MAX: variants seen among roughly 807,000 people sequenced by gnomAD.
The protein encoded by MAX is protein max.
Under a neutral mutation model 22.3 loss-of-function variants are expected in MAX, and 3 were observed. The ratio of observed to expected loss-of-function variants is 0.13; its 90% confidence interval spans 0.06 to 0.35. The LOEUF (loss-of-function observed/expected upper bound fraction) is 0.35. MAX is among the 10% of genes least tolerant of loss of function. The probability of loss-of-function intolerance (pLI) is 1.00; values close to 1 mark genes in which losing one functional copy is unlikely to be tolerated. For synonymous variants in MAX, 72 were observed against 77.7 expected (o/e 0.93, Z 0.39); for missense variants, 119 against 209.4 (o/e 0.57, Z 2.66).
rs2062511790 is a variant in MAX, at chr14:65,047,588, T to C, written c.172-41304A>G. On this transcript the variant is annotated intron_variant, in intron 3 of 3. Coordinates refer to the MAX transcript ENST00000341653. This position sits in a 1 kb window ranked among gnomAD's most constrained non-coding sequence, Gnocchi z 5.2. ...GGGATGTAAATAGGTTAAGTCATTT[T>C]TTGGAGGGCAGTTTGGAGACATCCA... Among the ~76,000 whole-genome samples the C allele has an allele frequency of 6.6e-6, 1 of 152,226 alleles. No individual in the cohort carries two copies. Among genetic ancestry groups the C allele is most frequent in the African/African-American group, 2.4e-5 (1 of 41,466 alleles).
chr14:65,015,985 T>C (rs945301291), intron 3 of MAX, among the ~76,000 whole-genome samples: 3 of 152,212 alleles, frequency 2.0e-5, no homozygotes, highest in Non-Finnish European at 4.4e-5. Context: ...GACTCTGGTC[T>C]TTGAGAAAAG....
rs1176593724 is a variant in MAX at position 65,029,325 on chromosome 14, CA to C, written c.172-23042del. ...TTGCCTGGAAGCATCAGCCAGTCCT[CA>C]GGAGTGCTTGTTTGGGTGGATTTGA... On this transcript the variant is annotated intron_variant, in intron 3 of 3. Transcript: ENST00000341653. This position sits in a 1 kb window ranked among gnomAD's most constrained non-coding sequence, Gnocchi z 4.7. Among the ~76,000 whole-genome samples, 2 of 152,210 alleles carry C rather than the reference CA, an allele frequency of 1.3e-5. No homozygotes were observed. The highest frequency in any genetic ancestry group is 2.9e-5 in the Non-Finnish European group (2 of 68,042).
rs2061699309 is a variant in MAX at position 65,012,477 on chromosome 14, C to G, written c.172-6193G>C. The stretch of plus-strand genomic sequence containing the variant: ...ATTTAAACGTAAAAGACTGTTGGGG[C>G]TGACCTGTTGCAGAGTCACTCTTTG... On this transcript the variant is annotated intron_variant, in intron 3 of 3. Transcript: ENST00000341653. The surrounding 1 kb of genome is among the most constrained non-coding windows in gnomAD (Gnocchi z 5.0). 1.9e-6 allele frequency: 3 copies of G among 1,540,512 alleles called. No individual in the cohort carries two copies. In the African/African-American group the frequency reaches 4.1e-5, roughly 21 times the overall value.
Position 65,012,165 on chromosome 14 carries a change from T to A in MAX, c.172-5881A>T. The A allele has an allele frequency of 1.2e-6, 1 of 840,304 alleles. No individual in the cohort carries two copies. The highest frequency in any genetic ancestry group is 1.9e-6 in the Non-Finnish European group (1 of 538,962). 52.1% of individuals were successfully genotyped at this position (840,304 alleles called of 1,614,324 possible). A position where few individuals can be genotyped will look rare whatever the true frequency, so the allele number is the denominator to read the frequency against. On this transcript the variant is annotated intron_variant, in intron 3 of 3. Transcript: ENST00000341653. The surrounding 1 kb of genome is among the most constrained non-coding windows in gnomAD (Gnocchi z 5.0). ...TCTTTTCTCTGGTTTAGTTGCTCTT[T>A]GGAACCAGAGAAGTTGCTGGTTATC...
chr14:65,038,013 C>T (rs2062253030), intron 3 of MAX, among the ~76,000 whole-genome samples: 1 of 152,078 alleles, frequency 6.6e-6, no homozygotes, highest in African/African-American at 2.4e-5. Context: ...GATCCTCCTG[C>T]CTTGGTCTCC....
intron 2 of MAX, among the ~76,000 whole-genome samples, chr14:65,096,748 A>G (rs1323737887): frequency 6.6e-6 from 1 of 152,226 alleles, no homozygotes; most frequent in Non-Finnish European, 1.5e-5. Context: ...TGAACAAATA[A>G]AACTCTACTC....
rs1436797033 is a variant in MAX at position 65,069,659 on chromosome 14, C to T, written c.171+24049G>A. On this transcript the variant is annotated intron_variant, in intron 3 of 3. Coordinates refer to the MAX transcript ENST00000341653. This position sits in a 1 kb window ranked among gnomAD's most constrained non-coding sequence, Gnocchi z 4.6. ...CACAAGGCTGGAGTCCACTGGCACA[C>T]GCACATATGCATGCAGCATTTGTAG... 6.6e-6 allele frequency among the ~76,000 whole-genome samples: 1 copy of T among 152,196 alleles called. No individual in the cohort carries two copies. The highest frequency in any genetic ancestry group is 6.5e-5 in the Admixed American group (1 of 15,288).
At chr14:65,040,789 G>A in intron 3 of MAX, 1 of 1,612,618 alleles carries the variant, frequency 6.2e-7, no homozygotes, top group Non-Finnish European at 8.5e-7. Context: ...TCTCTTCTTA[G>A]GTGTCAGAAC....
chr14:65,035,041 G>A (rs981118395), intron 3 of MAX, among the ~76,000 whole-genome samples: 4 of 152,222 alleles, frequency 2.6e-5, no homozygotes, highest in South Asian at 4.1e-4. Context: ...TCCCCAGCAC[G>A]TATGTGGAAA....
rs146933065 is a variant in MAX at position 65,032,544 on chromosome 14, G to A, written c.172-26260C>T. The A allele has an allele frequency of 3.2e-5, 51 of 1,579,116 alleles. No homozygotes were observed. In the East Asian group the frequency reaches 4.8e-4, roughly 15 times the overall value. On this transcript the variant is annotated intron_variant, in intron 3 of 3. Coordinates refer to the MAX transcript ENST00000341653. The surrounding 1 kb of genome is among the most constrained non-coding windows in gnomAD (Gnocchi z 5.0). ...TAGGCAAGGCGAGCAGTCCGCCCGC[G>A]GAGTTCACTGAGCCTCATTAGCTCT...
Position 65,070,043 on chromosome 14 carries a change from A to G in MAX, c.171+23665T>C, listed in dbSNP as rs949019393. On this transcript the variant is annotated intron_variant, in intron 3 of 3. Coordinates refer to the MAX transcript ENST00000341653. This position sits in a 1 kb window ranked among gnomAD's most constrained non-coding sequence, Gnocchi z 4.4. ...GCAGACAGGAAACAATGAAGCTCTCAAGCACTGTGCATGGGAGCCATGGGC... is the reference window on the plus strand; with the variant it reads ...GCAGACAGGAAACAATGAAGCTCTCGAGCACTGTGCATGGGAGCCATGGGC... Among the ~76,000 whole-genome samples, 7 of 152,310 alleles carry G rather than the reference A, an allele frequency of 4.6e-5. No individual in the cohort carries two copies. The highest frequency in any genetic ancestry group is 8.8e-5 in the Non-Finnish European group (6 of 68,008).
intron 3 of MAX, among the ~76,000 whole-genome samples, chr14:65,045,433 C>T (rs552116149): frequency 4.7e-5 from 7 of 149,276 alleles, no homozygotes; most frequent in African/African-American, 1.2e-4. Context: ...CCGCCGCCCC[C>T]GAGATGGAGT....
At position 65,075,852 on chromosome 14, in the gene MAX, A is replaced by G; in HGVS notation, c.*624T>C. The G allele has an allele frequency of 2.8e-6, 3 of 1,060,688 alleles. No homozygotes were observed. Among genetic ancestry groups the G allele is most frequent in the Non-Finnish European group, 3.4e-6 (3 of 876,244 alleles). The allele number at this position is 1,060,688 out of a possible 1,614,324, so 65.7% of individuals were successfully genotyped here. Reference sequence around the variant, plus strand: ...TGGCTGAGAGAAGCAGGAGTGAAACATGCCAGCGACTCTGTGCTGCGAATC... The same window carrying G: ...TGGCTGAGAGAAGCAGGAGTGAAACGTGCCAGCGACTCTGTGCTGCGAATC... On this transcript the variant is annotated 3_prime_UTR_variant, in exon 5 of 5. Transcript: ENST00000358664. The surrounding 1 kb of genome is among the most constrained non-coding windows in gnomAD (Gnocchi z 4.1).
chr14:65,009,643 A>G lies in MAX; in HGVS notation c.172-3359T>C, dbSNP rs1001895789. On this transcript the variant is annotated intron_variant, in intron 3 of 3. Coordinates refer to the MAX transcript ENST00000341653. The surrounding 1 kb of genome is among the most constrained non-coding windows in gnomAD (Gnocchi z 4.2). Reference sequence around the variant, plus strand: ...TCCATCCTCTTTACAGACCTTCCCTATGGATTTCCTCTGAGCTTTTGCATT... The same window carrying G: ...TCCATCCTCTTTACAGACCTTCCCTGTGGATTTCCTCTGAGCTTTTGCATT... 4.0e-5 allele frequency among the ~76,000 whole-genome samples: 6 copies of G among 151,872 alleles called. No homozygotes were observed. Among genetic ancestry groups the G allele is most frequent in the African/African-American group, 1.5e-4 (6 of 41,314 alleles).
chr14:65,027,250 A>T lies in MAX; in HGVS notation c.172-20966T>A, dbSNP rs528210087. ...ACAAGCGCTTAAGTACGAAACTCAG[A>T]GGAGGGCAGACAGAAATGATGATAG... On this transcript the variant is annotated intron_variant, in intron 3 of 3. Coordinates refer to the MAX transcript ENST00000341653. This position sits in a 1 kb window ranked among gnomAD's most constrained non-coding sequence, Gnocchi z 5.7. 1 of 803,810 alleles carries T rather than the reference A, an allele frequency of 1.2e-6. No individual in the cohort carries two copies. The allele number at this position is 803,810 out of a possible 1,614,324, so 49.8% of individuals were successfully genotyped here.
rs1206252169 is a variant in MAX, at chr14:65,077,554, G to A, written c.295+359C>T. 1.1e-6 allele frequency: 1 copy of A among 925,330 alleles called. No homozygotes were observed. The highest frequency in any genetic ancestry group is 1.6e-5 in the African/African-American group (1 of 61,744). The allele number at this position is 925,330 out of a possible 1,614,324, so 57.3% of individuals were successfully genotyped here. ...CTGTCCCTGAACACCTGGAGTCTCTGGTACTTACACAGCACATTCCACTCC... is the reference window on the plus strand; with the variant it reads ...CTGTCCCTGAACACCTGGAGTCTCTAGTACTTACACAGCACATTCCACTCC... On this transcript the variant is annotated intron_variant, in intron 4 of 4. Coordinates refer to ENST00000358664, the MANE Select transcript of MAX (RefSeq NM_002382.5). This position sits in a 1 kb window ranked among gnomAD's most constrained non-coding sequence, Gnocchi z 6.3.
rs149270720 is a variant in MAX, at chr14:65,048,127, G to T, written c.172-41843C>A. 1.4e-4 allele frequency among the ~76,000 whole-genome samples: 21 copies of T among 151,594 alleles called. No homozygotes were observed. The East Asian group carries it at 4.1e-3, about 29-fold the overall frequency. Reference sequence around the variant, plus strand: ...CTCCTGTGTAGCTGGGATTACAGGCGTGTACCACCACACCCAGCCAATGTT... The same window carrying T: ...CTCCTGTGTAGCTGGGATTACAGGCTTGTACCACCACACCCAGCCAATGTT... On this transcript the variant is annotated intron_variant, in intron 3 of 3. Coordinates refer to the MAX transcript ENST00000341653.
rs1039929750 is a variant in MAX at position 65,031,445 on chromosome 14, G to C, written c.172-25161C>G. On this transcript the variant is annotated intron_variant, in intron 3 of 3. Coordinates refer to the MAX transcript ENST00000341653. This position sits in a 1 kb window ranked among gnomAD's most constrained non-coding sequence, Gnocchi z 4.6. Reference sequence around the variant, plus strand: ...TGGTTCTCCTGCCTCAGCCTCCCAAGTAGTTGGGACTACGGGCACACGCCA... The same window carrying C: ...TGGTTCTCCTGCCTCAGCCTCCCAACTAGTTGGGACTACGGGCACACGCCA... 6.6e-6 allele frequency among the ~76,000 whole-genome samples: 1 copy of C among 151,638 alleles called. No homozygotes were observed. Among genetic ancestry groups the C allele is most frequent in the Non-Finnish European group, 1.5e-5 (1 of 67,896 alleles).
intron 3 of MAX, among the ~76,000 whole-genome samples, chr14:65,055,608 C>T (rs2062717880): frequency 6.6e-6 from 1 of 151,974 alleles, no homozygotes; most frequent in African/African-American, 2.4e-5. Flanking sequence ...CCTCCACCTC[C>T]CAGGTTCAAG....
Sources: gnomAD v4.1 joint callset for allele counts (sites outside exome capture counted in the v4.1 genomes callset) on GRCh38, gnomAD v4.1.1 for gene constraint, Gnocchi (gnomAD v3.1) non-coding constraint, MANE v1.5 for transcripts, NCBI Gene and HGNC (gene_info 2026-07-23, HGNC 2026-07-21) for gene names.